Variants in NSDHL observed in about 807,000 individuals in gnomAD.
NSDHL encodes sterol-4-alpha-carboxylate 3-dehydrogenase, decarboxylating.
A neutral mutation model predicts 23.0 loss-of-function variants in NSDHL; 1 was observed. That is an observed-to-expected ratio of 0.04 (90% CI 0.02 to 0.21). The LOEUF (loss-of-function observed/expected upper bound fraction) is 0.21. Among genes scored for constraint, NSDHL ranks in the 10% least tolerant of loss-of-function variants. NSDHL has a pLI of 1.00. For synonymous variants in NSDHL, 128 were observed against 121.1 expected (o/e 1.06, Z -0.37); for missense variants, 237 against 300.9 (o/e 0.79, Z 1.57).
intron 3 of NSDHL, among the ~76,000 whole-genome samples, chrX:152,857,204 G>A (rs186913507): frequency 2.5e-3 from 280 of 112,622 alleles, no homozygotes; most frequent in African/African-American, 8.8e-3. Flanking sequence ...TTTATACCCA[G>A]TACATTGATT....
chrX:152,849,464 G>T (rs1188235887), intron 2 of NSDHL, among the ~76,000 whole-genome samples: 1 of 112,087 alleles, frequency 8.9e-6, no homozygotes, highest in African/African-American at 3.2e-5. Context: ...TGAAATGAGG[G>T]TATTTAAGTG....
At chrX:152,847,514 T>G (rs1301181703) in intron 2 of NSDHL, among the ~76,000 whole-genome samples, 1 of 111,655 alleles carries the variant, frequency 9.0e-6, no homozygotes, top group Non-Finnish European at 1.9e-5. Flanking sequence ...TTATGTAAAT[T>G]TGGGTTTTAT....
rs781847194 is a variant in NSDHL at position 152,858,817 on chromosome X, G to A, written c.315G>A (p.Ala105=). 15 of 1,206,219 alleles carry A rather than the reference G, an allele frequency of 1.2e-5. No individual in the cohort carries two copies. The highest frequency in any genetic ancestry group is 3.0e-5 in the East Asian group (1 of 33,840). ...GTGTAAACACAGTTTTCCACTGTGC[G>A]TCACCCCCACCATCCAGTAACAACA... The part of the protein sequence containing the change: ...LKGVNTVFHC[A]SPPPSSNNKE... The change falls in exon 4 of 8, where the codon GCG becomes GCA. Residue 105 remains alanine, a synonymous_variant. Transcript: ENST00000370274.
intron 1 of NSDHL, among the ~76,000 whole-genome samples, 189 bp downstream of exon 1, chrX:152,831,306 C>T (rs957835558): frequency 1.8e-5 from 2 of 111,621 alleles, no homozygotes; most frequent in African/African-American, 6.5e-5. Context: ...ACTGTACTCA[C>T]GGGGCAACTG....
chrX:152,863,954 C>T (rs1489242599), intron 5 of NSDHL, among the ~76,000 whole-genome samples: 8 of 109,830 alleles, frequency 7.3e-5, no homozygotes, highest in Non-Finnish European at 1.5e-4. Flanking sequence ...CTCTGTTGCC[C>T]AGGCTGGAGT....
At chrX:152,848,498 C>A (rs1933308292) in intron 2 of NSDHL, among the ~76,000 whole-genome samples, 1 of 112,670 alleles carries the variant, frequency 8.9e-6, no homozygotes, top group South Asian at 3.6e-4. Context: ...ATAAAATAAT[C>A]CACGTCACAT....
chrX:152,837,203 G>A (rs1267856245), intron 1 of NSDHL, among the ~76,000 whole-genome samples: 1 of 111,974 alleles, frequency 8.9e-6, no homozygotes, highest in East Asian at 2.8e-4. Flanking sequence ...GGGCTGAAAC[G>A]ATAGGGTTTT....
chrX:152,856,855 G>A (rs926918948), intron 3 of NSDHL, among the ~76,000 whole-genome samples: 1 of 112,525 alleles, frequency 8.9e-6, no homozygotes, highest in Non-Finnish European at 1.9e-5. Context: ...TCAGAAGTTC[G>A]AGACCAGCCT....
intron 3 of NSDHL, among the ~76,000 whole-genome samples, chrX:152,854,545 G>T (rs1359198527): frequency 9.1e-6 from 1 of 109,782 alleles, no homozygotes; most frequent in Admixed American, 9.7e-5. Flanking sequence ...TAATAGCTGG[G>T]ATTATAGGTG....
intron 1 of NSDHL, among the ~76,000 whole-genome samples, chrX:152,833,244 G>A (rs1290985544): frequency 1.3e-5 from 1 of 76,167 alleles, no homozygotes; most frequent in Non-Finnish European, 2.6e-5. Flanking sequence ...TTTTAGGTGA[G>A]TCAAAAGTTA....
chrX:152,832,096 C>G (rs1244920680), intron 1 of NSDHL, among the ~76,000 whole-genome samples: 2 of 111,217 alleles, frequency 1.8e-5, no homozygotes, highest in Admixed American at 9.5e-5. Context: ...GTCTGGCTCA[C>G]TCCAGCCCCA....
rs1295227788 is a variant in NSDHL at position 152,862,620 on chromosome X, A to G, written c.439A>G (p.Ser147Gly). Residue 147 changes from serine to glycine, a missense_variant, in exon 5 of 8, where the codon AGT (serine) becomes GGT (glycine). By Grantham distance (56) the Ser-to-Gly change is moderately conservative. Transcript: ENST00000370274. ...VQKLILTSSA[S>G]VIFEGVDIKN... ...GAAACTCATTTTAACCAGCAGTGCC[A>G]GTGTCATCTTTGAGGGCGTCGATAT... The G allele has an allele frequency of 1.7e-6, 2 of 1,205,385 alleles. No homozygotes were observed. The highest frequency in any genetic ancestry group is 3.5e-5 in the African/African-American group (2 of 57,050).
At chrX:152,866,172 G>A (rs1556848073) in intron 6 of NSDHL, among the ~76,000 whole-genome samples, 4 of 112,578 alleles carry the variant, frequency 3.6e-5, no homozygotes, top group African/African-American at 9.7e-5. Context: ...TTCCCAGACT[G>A]GGTGTCCATT....
chrX:152,852,368 C>T (rs914979411), intron 3 of NSDHL, among the ~76,000 whole-genome samples: 7 of 111,647 alleles, frequency 6.3e-5, no homozygotes, highest in Admixed American at 5.7e-4. Flanking sequence ...TGTGGTCCCA[C>T]GTTAGAATTT....
chrX:152,865,676 G>T, intron 5 of NSDHL, 143 bp from the exon 6 acceptor site: 1 of 767,035 alleles, frequency 1.3e-6, no homozygotes, highest in South Asian at 2.1e-5. Context: ...GCTCAAGGCA[G>T]ACCACTGCTC....
rs782401092 is a variant in NSDHL, at chrX:152,846,286, GA to G, written c.-35del. ...GTCTCTAACTATGTCTTTAAGAAAA[GA>G]AAAGTTGATTACAAACGGGACCATA... On this transcript the variant is annotated 5_prime_UTR_variant, in exon 2 of 8. Transcript: ENST00000370274. The G allele has an allele frequency of 1.1e-5, 11 of 1,026,414 alleles. No individual in the cohort carries two copies. Among genetic ancestry groups the G allele is most frequent in the Admixed American group, 2.2e-5 (1 of 45,887 alleles). The allele number at this position is 1,026,414 out of a possible 1,213,427, so 84.6% of individuals were successfully genotyped here.
intron 3 of NSDHL, among the ~76,000 whole-genome samples, chrX:152,855,241 C>T (rs899510154): frequency 3.6e-5 from 4 of 110,444 alleles, no homozygotes; most frequent in Non-Finnish European, 5.7e-5. Context: ...GTGATCCACC[C>T]GCCTCGGCCT....
At chrX:152,863,046 T>A (rs935205130) in intron 5 of NSDHL, among the ~76,000 whole-genome samples, 2 of 109,967 alleles carry the variant, frequency 1.8e-5, no homozygotes, top group Admixed American at 9.7e-5. Flanking sequence ...CCTGTAATCC[T>A]AGCCACTTGG....
Position 152,869,343 on chromosome X carries a change from T to C in NSDHL, c.*227T>C. ...TTTCTTGAAGCAGGCAGCTTCATATTATACCGATTTGTTCTCTGTCTTTTT... is the reference window on the plus strand; with the variant it reads ...TTTCTTGAAGCAGGCAGCTTCATATCATACCGATTTGTTCTCTGTCTTTTT... On this transcript the variant is annotated 3_prime_UTR_variant, in exon 8 of 8. Transcript: ENST00000370274. 2 of 445,582 alleles carry C rather than the reference T, an allele frequency of 4.5e-6. No homozygotes were observed. The highest frequency in any genetic ancestry group is 8.0e-6 in the Non-Finnish European group (2 of 249,468). The allele number at this position is 445,582 out of a possible 1,213,427, so 36.7% of individuals were successfully genotyped here.
Sources: allele counts gnomAD v4.1 joint callset (sites outside exome capture counted in the v4.1 genomes callset), GRCh38; gene constraint gnomAD v4.1.1; transcripts MANE v1.5; gene names NCBI Gene and HGNC (gene_info 2026-07-23, HGNC 2026-07-21).